Variants in MYO3B observed in about 807,000 individuals in gnomAD.
MYO3B encodes the protein myosin IIIB, also known as myosin-IIIb.
Under a neutral mutation model 174.6 loss-of-function variants are expected in MYO3B, and 156 were observed. That is an observed-to-expected ratio of 0.89 (90% CI 0.78 to 1.02). MYO3B has a LOEUF of 1.02. Ranked by LOEUF, MYO3B falls within the 50% of genes least tolerant of loss-of-function variation. The probability of loss-of-function intolerance (pLI) is 0.00; values close to 1 mark genes in which losing one functional copy is unlikely to be tolerated. For synonymous variants in MYO3B, 563 were observed against 569.1 expected (o/e 0.99, Z 0.15); for missense variants, 1,632 against 1,639.4 (o/e 1.00, Z 0.08).
At chr2:170,299,460 T>C (rs1356281907) in intron 7 of MYO3B, among the ~76,000 whole-genome samples, 1 of 152,064 alleles carries the variant, frequency 6.6e-6, no homozygotes, top group African/African-American at 2.4e-5. Context: ...AAAATGAAAT[T>C]TCTTTTTTTT....
intron 30 of MYO3B, among the ~76,000 whole-genome samples, chr2:170,531,182 T>A (rs894111355): frequency 2.0e-5 from 3 of 152,220 alleles, no homozygotes; most frequent in African/African-American, 7.2e-5. Context: ...GTTAGGGAAG[T>A]ACCTGGAGTG....
At chr2:170,484,820 T>G (rs2106023476) in intron 25 of MYO3B, among the ~76,000 whole-genome samples, 1 of 152,218 alleles carries the variant, frequency 6.6e-6, no homozygotes, top group South Asian at 2.1e-4. Flanking sequence ...GTAACAGGGA[T>G]TATGGTAAAT....
chr2:170,259,950 C>T (rs2105347632), intron 7 of MYO3B, among the ~76,000 whole-genome samples: 1 of 151,376 alleles, frequency 6.6e-6, no homozygotes, highest in South Asian at 2.1e-4. Flanking sequence ...ACACAAGCAG[C>T]CAACAAACAT....
Position 170,574,191 on chromosome 2 carries a change from T to C in MYO3B, c.3733+30203T>C, listed in dbSNP as rs16858769. ...GTAAATCACAAAGCCTTTACTAGTT[T>C]AGCCCTGAAATGTGACCATCTTGAT... On this transcript the variant is annotated intron_variant, in intron 32 of 34. Coordinates refer to ENST00000408978, the MANE Select transcript of MYO3B (RefSeq NM_138995.5). Among the ~76,000 whole-genome samples the C allele has an allele frequency of 0.029, 4,456 of 152,284 alleles. 520 individuals are homozygous for C. The East Asian group carries it at 0.42, about 14-fold the overall frequency.
chr2:170,518,267 A>G (rs1688449291), intron 29 of MYO3B, among the ~76,000 whole-genome samples: 1 of 152,178 alleles, frequency 6.6e-6, no homozygotes, highest in South Asian at 2.1e-4. Context: ...CATTTCTATC[A>G]TGTATTCTGT....
chr2:170,234,961 GC>G (rs2093054489), intron 6 of MYO3B, among the ~76,000 whole-genome samples: 1 of 152,160 alleles, frequency 6.6e-6, no homozygotes, highest in African/African-American at 2.4e-5. Flanking sequence ...GAGTGATCTT[GC>G]TAAAACATAA....
intron 30 of MYO3B, among the ~76,000 whole-genome samples, chr2:170,537,243 G>C (rs1159535215): frequency 1.3e-4 from 20 of 150,382 alleles, no homozygotes; most frequent in Non-Finnish European, 1.5e-5. Flanking sequence ...CCTGGTCTCA[G>C]GAGGCTGAGA....
At chr2:170,478,522 TAC>T (rs60349340) in intron 25 of MYO3B, among the ~76,000 whole-genome samples, 25,614 of 125,778 alleles carry the variant, frequency 0.2, 2,645 homozygotes, top group East Asian at 0.36. Context: ...GGTGTTATTG[TAC>T]ACACACACAC....
chr2:170,529,667 G>A (rs7586400), intron 30 of MYO3B, among the ~76,000 whole-genome samples: 79,530 of 151,930 alleles, frequency 0.52, 21,853 homozygotes, highest in Non-Finnish European at 0.62. Flanking sequence ...TTATATTCCC[G>A]CTCAGAATGA....
At chr2:170,391,002 T>C (rs78636564) in intron 14 of MYO3B, among the ~76,000 whole-genome samples, 7,747 of 152,190 alleles carry the variant, frequency 0.051, 263 homozygotes, top group Middle Eastern at 0.15. Flanking sequence ...AAGAGGTGGA[T>C]GGCAGGAGAC....
chr2:170,315,127 A>T (rs986671410), intron 7 of MYO3B, among the ~76,000 whole-genome samples: 9 of 152,192 alleles, frequency 5.9e-5, no homozygotes, highest in Admixed American at 4.6e-4. Flanking sequence ...TCAGCACACA[A>T]TTCCCTATTT....
In MYO3B at chr2:170,443,987, G is replaced by A. The variant is rs752902189; in HGVS notation, c.2671G>A (p.Ala891Thr). Residue 891 changes from alanine to threonine, a missense_variant, in exon 23 of 35, where the codon GCT becomes ACT. Transcript: ENST00000408978. Reference sequence around the variant, plus strand: ...CTCAGGTAATTTGGCCCAGACAAGAGCTAGGATAACAGTGGCCTCAAGTTC... The same window carrying A: ...CTCAGGTAATTTGGCCCAGACAAGAACTAGGATAACAGTGGCCTCAAGTTC... ...TKTGNLAQTRARITVASSSLP... is the reference protein window; with the variant it reads ...TKTGNLAQTRTRITVASSSLP... 5 of 1,612,794 alleles carry A rather than the reference G, an allele frequency of 3.1e-6. No individual in the cohort carries two copies. The highest frequency in any genetic ancestry group is 3.4e-6 in the Non-Finnish European group (4 of 1,179,168).
chr2:170,293,974 C>T (rs922237814), intron 7 of MYO3B, among the ~76,000 whole-genome samples: 6 of 82,414 alleles, frequency 7.3e-5, no homozygotes, highest in Admixed American at 2.9e-4. Context: ...CTTAGAATTT[C>T]GTTCTTTTTT....
chr2:170,278,590 T>G (rs1164188426), intron 7 of MYO3B, among the ~76,000 whole-genome samples: 1 of 152,176 alleles, frequency 6.6e-6, no homozygotes, highest in Admixed American at 6.6e-5. Flanking sequence ...CTCATGTGCC[T>G]TATAATTTTA....
Position 170,620,674 on chromosome 2 carries a change from T to C in MYO3B, c.3734-30954T>C, listed in dbSNP as rs575694310. ...CAAATCCCATGGGGTAGATGGAAAA[T>C]GGCCCGGGTAGATCTGTGCACACAG... is the stretch of plus-strand genomic sequence containing the variant. On this transcript the variant is annotated intron_variant, in intron 32 of 34. Transcript: ENST00000408978. Among the ~76,000 whole-genome samples the C allele has an allele frequency of 4.6e-5, 7 of 152,330 alleles. No homozygotes were observed. In the South Asian group the frequency reaches 8.3e-4, roughly 18 times the overall value.
chr2:170,466,541 T>C lies in MYO3B; in HGVS notation c.2844T>C (p.Val948=), dbSNP rs1172473976. 1 of 1,614,086 alleles carries C rather than the reference T, an allele frequency of 6.2e-7. No individual in the cohort carries two copies. The highest frequency in any genetic ancestry group is 8.5e-7 in the Non-Finnish European group (1 of 1,180,038). ...SLMDLLSKMV[V]GQPHFVRCIK... is the part of the protein sequence containing the mutation. Reference sequence around the variant, plus strand: ...TGGACCTGCTCTCCAAAATGGTGGTTGGACAGCCCCACTTTGTGCGCTGCA... The same window carrying C: ...TGGACCTGCTCTCCAAAATGGTGGTCGGACAGCCCCACTTTGTGCGCTGCA... Residue 948 remains valine, a synonymous_variant, in exon 25 of 35, where the codon GTT becomes GTC. Transcript: ENST00000408978.
chr2:170,560,634 A>G (rs1691644757), intron 32 of MYO3B, among the ~76,000 whole-genome samples: 2 of 152,232 alleles, frequency 1.3e-5, no homozygotes, highest in Admixed American at 1.3e-4. Flanking sequence ...CAATTGCAAG[A>G]GATCTACAAA....
At chr2:170,603,055 C>A (rs536495133) in intron 32 of MYO3B, among the ~76,000 whole-genome samples, 41 of 151,964 alleles carry the variant, frequency 2.7e-4, no homozygotes, top group African/African-American at 9.2e-4. Flanking sequence ...GCAACAAGAG[C>A]GAAACTCTGT....
intron 7 of MYO3B, among the ~76,000 whole-genome samples, chr2:170,325,174 G>A (rs1196437092): frequency 6.6e-6 from 1 of 151,882 alleles, no homozygotes; most frequent in Non-Finnish European, 1.5e-5. Flanking sequence ...TATCTAATCC[G>A]CTGTTACAAG....
Sources: allele counts gnomAD v4.1 joint callset (sites outside exome capture counted in the v4.1 genomes callset), GRCh38; gene constraint gnomAD v4.1.1; transcripts MANE v1.5; gene names NCBI Gene and HGNC (gene_info 2026-07-23, HGNC 2026-07-21).